The following GPSM2 variants were observed in gnomAD, a reference collection of about 807,000 sequenced individuals.
The protein encoded by GPSM2 is G protein signaling modulator 2.
GPSM2 carries 58 observed loss-of-function variants against 78.4 expected under a neutral mutation model. The observed-to-expected ratio is 0.74, with a 90% confidence interval of 0.60 to 0.92. The LOEUF is 0.92. Among genes scored for constraint, GPSM2 ranks in the 40% least tolerant of loss-of-function variants. GPSM2 has a pLI of 0.00. For missense variants in GPSM2, 700 were observed against 815.5 expected, an observed-to-expected ratio of 0.86 and a Z score of 1.73; for synonymous variants, 224 against 280.2, an observed-to-expected ratio of 0.80 and a Z score of 2.00.
intron 10 of GPSM2, among the ~76,000 whole-genome samples, chr1:108,910,862 C>CAA (rs59356856): frequency 3.6e-4 from 43 of 120,776 alleles, no homozygotes; most frequent in African/African-American, 9.2e-4. Flanking sequence ...GACTCCGTCT[C>CAA]AAAAAAAAAA....
rs376474529 is a variant in GPSM2 at position 108,932,733 on chromosome 1, C to A, written c.*2793C>A. 2.6e-5 allele frequency: 4 copies of A among 152,162 alleles called. No individual in the cohort carries two copies. The highest frequency in any genetic ancestry group is 2.6e-4 in the Admixed American group (4 of 15,280). The allele number at this position is 152,162 out of a possible 1,614,324, so 9.4% of individuals were successfully genotyped here. The stretch of plus-strand genomic sequence containing the variant: ...TCTTGTCCCAAGAGGACACTTTATA[C>A]GCATGGATGTTCACAAATTTATTCT... On this transcript the variant is annotated 3_prime_UTR_variant, in exon 15 of 15. Transcript: ENST00000264126.
chr1:108,908,860 C>T (rs1325086634), intron 10 of GPSM2, among the ~76,000 whole-genome samples: 8 of 151,504 alleles, frequency 5.3e-5, no homozygotes, highest in Admixed American at 2.6e-4. Flanking sequence ...TTTAATTATC[C>T]GTGCATGGTG....
chr1:108,905,502 C>G (rs1051957754), intron 10 of GPSM2, among the ~76,000 whole-genome samples: 6 of 152,190 alleles, frequency 3.9e-5, no homozygotes, highest in Non-Finnish European at 7.4e-5. Context: ...TTCCTATAGC[C>G]AATCATTCCC....
chr1:108,921,032 G>T (rs1650665017), intron 12 of GPSM2, among the ~76,000 whole-genome samples: 1 of 152,106 alleles, frequency 6.6e-6, no homozygotes, highest in Non-Finnish European at 1.5e-5. Flanking sequence ...CCCAGTTAAA[G>T]GGATACCATT....
At position 108,885,404 on chromosome 1, in the gene GPSM2, T is replaced by C. The variant is rs1647453127; in HGVS notation, c.-119T>C. On this transcript the variant is annotated 5_prime_UTR_variant, in exon 2 of 15. An upstream open reading frame in the 5' UTR loses its in-frame stop. Transcript: ENST00000264126. ...GAAGAATCAGGAGCTTAGGATGTATTAACACCAACTCATTAATATACTAAC... is the reference window on the plus strand; with the variant it reads ...GAAGAATCAGGAGCTTAGGATGTATCAACACCAACTCATTAATATACTAAC... The C allele has an allele frequency of 1.6e-6, 1 of 638,098 alleles. No individual in the cohort carries two copies. 39.5% of individuals were successfully genotyped at this position (638,098 alleles called of 1,614,324 possible).
intron 2 of GPSM2, among the ~76,000 whole-genome samples, chr1:108,890,838 C>T (rs1172751195): frequency 1.3e-5 from 2 of 151,800 alleles, no homozygotes; most frequent in East Asian, 1.9e-4. Flanking sequence ...TATTTTGCAC[C>T]TATTTCAAAA....
At position 108,931,245 on chromosome 1, in the gene GPSM2, A is replaced by T. The variant is rs1326442878; in HGVS notation, c.*1305A>T. On this transcript the variant is annotated 3_prime_UTR_variant, in exon 15 of 15. Transcript: ENST00000264126. ...AGAAAACAGATGAAAACTCACAAAA[A>T]TTAAATATGAAAGAAAGATGTCAGC... The T allele has an allele frequency of 7.0e-7, 1 of 1,424,698 alleles. No individual in the cohort carries two copies. Among genetic ancestry groups the T allele is most frequent in the Non-Finnish European group, 9.3e-7 (1 of 1,077,208 alleles). 88.3% of individuals were successfully genotyped at this position (1,424,698 alleles called of 1,614,324 possible).
intron 2 of GPSM2, among the ~76,000 whole-genome samples, chr1:108,893,416 G>T (rs1648117884): frequency 6.6e-6 from 1 of 152,108 alleles, no homozygotes; most frequent in African/African-American, 2.4e-5. Flanking sequence ...GTAATCCATT[G>T]TATAGTGGCG....
rs367914389 is a variant in GPSM2, at chr1:108,930,890, C to CAA, written c.*963_*964dup. The CAA allele has an allele frequency of 7.0e-5, 9 of 128,610 alleles. No homozygotes were observed. The highest frequency in any genetic ancestry group is 2.7e-4 in the East Asian group (1 of 3,756). The allele number at this position is 128,610 out of a possible 1,614,324, so 8.0% of individuals were successfully genotyped here. On this transcript the variant is annotated 3_prime_UTR_variant, in exon 15 of 15. Coordinates refer to ENST00000264126, the MANE Select transcript of GPSM2 (RefSeq NM_013296.5). ...TGAGTGACAGAGCAAGACTCTGTCT[C>CAA]AAAAAAAAAAAAAACAGCAAGCATG...
At chr1:108,920,674 A>G (rs1176586516) in intron 12 of GPSM2, among the ~76,000 whole-genome samples, 2 of 152,098 alleles carry the variant, frequency 1.3e-5, no homozygotes, top group Non-Finnish European at 2.9e-5. Context: ...GGTTTCTTAC[A>G]TAGCTTTTCT....
Position 108,908,687 on chromosome 1 carries a change from A to G in GPSM2, c.1192+4433A>G, listed in dbSNP as rs370300548. ...TCCGTCTCAAAACACACGTGCGCGC[A>G]CACACACACAGCCGACAGCCAGACT... On this transcript the variant is annotated intron_variant, in intron 10 of 14. Coordinates refer to ENST00000264126, the MANE Select transcript of GPSM2 (RefSeq NM_013296.5). 2.3e-3 allele frequency among the ~76,000 whole-genome samples: 323 copies of G among 139,586 alleles called. 1 individual carries two copies. Among genetic ancestry groups the G allele is most frequent in the African/African-American group, 3.2e-3 (110 of 34,048 alleles). 91.6% of individuals were successfully genotyped at this position (139,586 alleles called of 152,430 possible).
At chr1:108,881,331 G>T (rs1665890675) in intron 1 of GPSM2, among the ~76,000 whole-genome samples, 1 of 152,180 alleles carries the variant, frequency 6.6e-6, no homozygotes, top group Non-Finnish European at 1.5e-5. Context: ...GGTTGAACTT[G>T]ATGACTTCTC....
At chr1:108,921,111 C>T (rs975756620) in intron 12 of GPSM2, among the ~76,000 whole-genome samples, 1 of 152,106 alleles carries the variant, frequency 6.6e-6, no homozygotes, top group African/African-American at 2.4e-5. Context: ...ACATCAAATC[C>T]ACTGTGTCCC....
In GPSM2 at chr1:108,885,431, G is replaced by T; in HGVS notation, c.-92G>T. On this transcript the variant is annotated 5_prime_UTR_variant, in exon 2 of 15. Coordinates refer to ENST00000264126, the MANE Select transcript of GPSM2 (RefSeq NM_013296.5). Reference sequence around the variant, plus strand: ...ACACCAACTCATTAATATACTAACCGGACAATGTTCTACAAACAATTCTAC... The same window carrying T: ...ACACCAACTCATTAATATACTAACCTGACAATGTTCTACAAACAATTCTAC... The T allele has an allele frequency of 1.3e-6, 1 of 753,030 alleles. No individual in the cohort carries two copies. Among genetic ancestry groups the T allele is most frequent in the South Asian group, 1.6e-5 (1 of 63,654 alleles). The allele number at this position is 753,030 out of a possible 1,614,324, so 46.6% of individuals were successfully genotyped here.
chr1:108,904,342 G>A (rs1419930867), intron 10 of GPSM2, 88 bp downstream of exon 10: 1 of 789,612 alleles, frequency 1.3e-6, no homozygotes, highest in Non-Finnish European at 2.1e-6. Context: ...TATTCAGAGA[G>A]AATATATAAC....
Position 108,931,602 on chromosome 1 carries a change from G to T in GPSM2, c.*1662G>T. 7.8e-7 allele frequency: 1 copy of T among 1,279,458 alleles called. No individual in the cohort carries two copies. Among genetic ancestry groups the T allele is most frequent in the Non-Finnish European group, 1.0e-6 (1 of 983,110 alleles). 79.3% of individuals were successfully genotyped at this position (1,279,458 alleles called of 1,614,324 possible). A position where few individuals can be genotyped will look rare whatever the true frequency, so the allele number is the denominator to read the frequency against. On this transcript the variant is annotated 3_prime_UTR_variant, in exon 15 of 15. Transcript: ENST00000264126. ...CAATGTTTTTTAAGAGTCATAACCT[G>T]GAATTAATTACATTAAGTGCTCAGC... is the stretch of plus-strand genomic sequence containing the variant.
chr1:108,925,489 A>C (rs1457150248), intron 14 of GPSM2, among the ~76,000 whole-genome samples: 5 of 151,984 alleles, frequency 3.3e-5, no homozygotes, highest in Non-Finnish European at 7.4e-5. Flanking sequence ...GCTGGCAAAG[A>C]AGCAACAGCC....
intron 2 of GPSM2, among the ~76,000 whole-genome samples, chr1:108,889,668 C>T (rs868478034): frequency 2.0e-5 from 3 of 152,080 alleles, no homozygotes; most frequent in South Asian, 2.1e-4. Flanking sequence ...CTTTTTACAC[C>T]GCCATAGCTA....
Position 108,932,462 on chromosome 1 carries a change from T to C in GPSM2, c.*2522T>C, listed in dbSNP as rs1652159093. On this transcript the variant is annotated 3_prime_UTR_variant, in exon 15 of 15. Coordinates refer to ENST00000264126, the MANE Select transcript of GPSM2 (RefSeq NM_013296.5). ...CATTCAACAACAGTTGCATGTCGCC[T>C]TGCTAGCTGTCAAAGTAGACTTCAT... 1 of 152,192 alleles carries C rather than the reference T, an allele frequency of 6.6e-6. No homozygotes were observed. Among genetic ancestry groups the C allele is most frequent in the African/African-American group, 2.4e-5 (1 of 41,458 alleles). The allele number at this position is 152,192 out of a possible 1,614,324, so 9.4% of individuals were successfully genotyped here.
Sources: gnomAD v4.1 joint callset for allele counts (sites outside exome capture counted in the v4.1 genomes callset) on GRCh38, gnomAD v4.1.1 for gene constraint, MANE v1.5 for transcripts, NCBI Gene and HGNC (gene_info 2026-07-23, HGNC 2026-07-21) for gene names.